OPHN1: variants seen among roughly 807,000 people sequenced by gnomAD.
OPHN1 encodes the protein oligophrenin-1.
OPHN1 carries 11 observed loss-of-function variants against 60.7 expected under a neutral mutation model. The observed-to-expected ratio is 0.18, with a 90% CI of 0.11 to 0.30. The LOEUF (loss-of-function observed/expected upper bound fraction) is 0.30. Among genes scored for constraint, OPHN1 ranks in the 10% least tolerant of loss-of-function variants. OPHN1 has a pLI of 1.00. For missense variants in OPHN1, 449 were observed against 611.0 expected (o/e 0.73, Z 2.80); for synonymous variants, 226 against 222.6 (o/e 1.02, Z -0.14).
At chrX:68,083,239 A>AT (rs2076982171) in intron 19 of OPHN1, among the ~76,000 whole-genome samples, 1 of 101,217 alleles carries the variant, frequency 9.9e-6, no homozygotes. Flanking sequence ...CGCCCGGCTA[A>AT]TTTTTTGTAT....
chrX:68,201,523 G>C (rs1212017995), intron 11 of OPHN1, 96 bp downstream of exon 11: 4 of 680,824 alleles, frequency 5.9e-6, no homozygotes, highest in Non-Finnish European at 9.5e-6. Context: ...CTTACTCATT[G>C]TCATCAACGT....
chrX:68,146,143 C>G (rs1397395144), intron 15 of OPHN1, among the ~76,000 whole-genome samples: 2 of 112,212 alleles, frequency 1.8e-5, no homozygotes, highest in Non-Finnish European at 1.9e-5. Flanking sequence ...AGTTTTCATA[C>G]AAATATCTGG....
At chrX:68,407,227 C>A (rs780484207) in intron 2 of OPHN1, among the ~76,000 whole-genome samples, 52 of 111,973 alleles carry the variant, frequency 4.6e-4, no homozygotes, top group South Asian at 2.2e-3. Context: ...TAAATAAATA[C>A]ATACATACAT....
intron 15 of OPHN1, among the ~76,000 whole-genome samples, chrX:68,144,518 C>T (rs1483559915): frequency 3.6e-5 from 4 of 111,242 alleles, no homozygotes; most frequent in African/African-American, 1.3e-4. Context: ...TAGACATTAA[C>T]GTTTATGAAA....
chrX:68,264,487 C>A (rs985136971), intron 5 of OPHN1, among the ~76,000 whole-genome samples: 6 of 112,021 alleles, frequency 5.4e-5, no homozygotes, highest in Admixed American at 1.9e-4. Context: ...ATTTATGCAG[C>A]CAAAAGACAC....
chrX:68,113,749 A>G (rs1049063171), intron 16 of OPHN1, among the ~76,000 whole-genome samples: 2 of 94,339 alleles, frequency 2.1e-5, no homozygotes, highest in Admixed American at 1.3e-4. Flanking sequence ...TCACTCATAG[A>G]TGGGAATTGA....
intron 2 of OPHN1, among the ~76,000 whole-genome samples, chrX:68,422,349 C>T (rs895766345): frequency 9.2e-6 from 1 of 108,273 alleles, no homozygotes; most frequent in African/African-American, 3.4e-5. Flanking sequence ...ACAACAAAAT[C>T]CCATCGCTAC....
intron 12 of OPHN1, among the ~76,000 whole-genome samples, chrX:68,195,237 G>A (rs2077508176): frequency 9.0e-6 from 1 of 111,390 alleles, no homozygotes; most frequent in Admixed American, 9.5e-5. Flanking sequence ...CTATGTACCT[G>A]TCTAATGGGC....
At chrX:68,358,197 T>C (rs1305900470) in intron 2 of OPHN1, among the ~76,000 whole-genome samples, 1 of 109,973 alleles carries the variant, frequency 9.1e-6, no homozygotes, top group Non-Finnish European at 1.9e-5. Context: ...GCTGCACACC[T>C]GTAGTCACAA....
chrX:68,421,060 C>T (rs1336997288), intron 2 of OPHN1, among the ~76,000 whole-genome samples: 1 of 111,155 alleles, frequency 9.0e-6, no homozygotes, highest in Non-Finnish European at 1.9e-5. Context: ...AAAGGCCCCT[C>T]GAACTCTGAG....
At chrX:68,195,937 G>T (rs1262997937) in intron 12 of OPHN1, among the ~76,000 whole-genome samples, 2 of 111,926 alleles carry the variant, frequency 1.8e-5, no homozygotes, top group Non-Finnish European at 3.8e-5. Context: ...CCTAAAGGGA[G>T]AGCAAACTTG....
chrX:68,410,493 C>G (rs1340719037), intron 2 of OPHN1, among the ~76,000 whole-genome samples: 2 of 109,318 alleles, frequency 1.8e-5, no homozygotes, highest in Non-Finnish European at 3.8e-5. Flanking sequence ...ACCCAGGAGA[C>G]GGAGGTTGCA....
At chrX:68,380,408 G>GT (rs1442672504) in intron 2 of OPHN1, among the ~76,000 whole-genome samples, 1 of 111,174 alleles carries the variant, frequency 9.0e-6, no homozygotes, top group Non-Finnish European at 1.9e-5. Flanking sequence ...TTTTTGAAGG[G>GT]TTTTTTGTGT....
At chrX:68,211,346 T>C (rs972513187) in intron 8 of OPHN1, among the ~76,000 whole-genome samples, 1 of 112,404 alleles carries the variant, frequency 8.9e-6, no homozygotes, top group African/African-American at 3.2e-5. Flanking sequence ...CCAAATGCTC[T>C]GAACTTTTTA....
chrX:68,136,558 C>T (rs1025123623), intron 15 of OPHN1, among the ~76,000 whole-genome samples: 8 of 111,064 alleles, frequency 7.2e-5, no homozygotes, highest in Non-Finnish European at 1.3e-4. Flanking sequence ...CCGCCTCAGC[C>T]TCCCAAAGTG....
intron 5 of OPHN1, among the ~76,000 whole-genome samples, chrX:68,240,221 T>C (rs2147531632): frequency 8.9e-6 from 1 of 112,508 alleles, no homozygotes; most frequent in South Asian, 3.7e-4. Context: ...TATTTAAAGT[T>C]TCTCCATTTA....
chrX:68,407,043 A>C (rs950724420), intron 2 of OPHN1, among the ~76,000 whole-genome samples: 3 of 111,885 alleles, frequency 2.7e-5, no homozygotes, highest in African/African-American at 9.7e-5. Context: ...GTCTCTACTA[A>C]AAATACAAAA....
chrX:68,339,077 G>GAA (rs202083174), intron 2 of OPHN1, among the ~76,000 whole-genome samples: 1 of 92,195 alleles, frequency 1.1e-5, no homozygotes, highest in Admixed American at 1.3e-4. Flanking sequence ...GACCCTGTCT[G>GAA]AAAAAAAAAA....
chrX:68,307,761 C>T (rs1373247323), intron 2 of OPHN1, among the ~76,000 whole-genome samples: 1 of 111,122 alleles, frequency 9.0e-6, no homozygotes, highest in African/African-American at 3.3e-5. Context: ...TATATATTTA[C>T]CTGTATTGTG....
Sources: gnomAD v4.1 joint callset for allele counts (sites outside exome capture counted in the v4.1 genomes callset) on GRCh38, gnomAD v4.1.1 for gene constraint, MANE v1.5 for transcripts, NCBI Gene and HGNC (gene_info 2026-07-23, HGNC 2026-07-21) for gene names.